Variants in SFMBT1 observed in about 807,000 individuals in gnomAD.
The protein encoded by SFMBT1 is scm-like with four MBT domains protein 1.
SFMBT1 carries 32 observed loss-of-function variants against 108.7 expected under a neutral mutation model. That is an observed-to-expected ratio of 0.29 (90% CI 0.22 to 0.40). SFMBT1 has a LOEUF of 0.40. Among genes scored for constraint, SFMBT1 ranks in the 10% least tolerant of loss-of-function variants. The pLI, the probability that SFMBT1 is intolerant of heterozygous loss-of-function variation, is 1.00. For synonymous variants in SFMBT1, 348 were observed against 369.5 expected (o/e 0.94, Z 0.67); for missense variants, 816 against 1,059.6 (o/e 0.77, Z 3.19).
In SFMBT1 at chr3:52,910,930, A is replaced by G. The variant is rs892693430; in HGVS notation, c.1906+73T>C. The G allele has an allele frequency of 5.6e-6, 8 of 1,436,820 alleles. No homozygotes were observed. The Admixed American group carries it at 1.2e-4, about 21-fold the overall frequency. 89.0% of individuals were successfully genotyped at this position (1,436,820 alleles called of 1,614,324 possible). On this transcript the variant is annotated intron_variant, in intron 17 of 20. Coordinates refer to ENST00000394752, the MANE Select transcript of SFMBT1 (RefSeq NM_016329.4). Reference sequence around the variant, plus strand: ...GCCTCTGCTATATATGAATGTCTGTAAAGTAAAAAACTTTCCAAGATGTAA... The same window carrying G: ...GCCTCTGCTATATATGAATGTCTGTGAAGTAAAAAACTTTCCAAGATGTAA...
chr3:52,985,756 C>T (rs2106886072), intron 1 of SFMBT1, among the ~76,000 whole-genome samples: 1 of 152,200 alleles, frequency 6.6e-6, no homozygotes, highest in South Asian at 2.1e-4. Flanking sequence ...CCCTAGGCTA[C>T]AAACCTGTAG....
chr3:53,008,826 G>A (rs375408240), intron 1 of SFMBT1, among the ~76,000 whole-genome samples: 30 of 151,958 alleles, frequency 2.0e-4, no homozygotes, highest in African/African-American at 5.5e-4. Flanking sequence ...TAGTAGAGAC[G>A]GGGTTTCACC....
chr3:52,978,193 G>C (rs1704583883), intron 1 of SFMBT1, among the ~76,000 whole-genome samples: 1 of 152,000 alleles, frequency 6.6e-6, no homozygotes, highest in Non-Finnish European at 1.5e-5. Flanking sequence ...TCACTGAGAA[G>C]GTAACATATG....
intron 1 of SFMBT1, 97 bp downstream of exon 1, chr3:53,045,719 T>A (rs1228113231): frequency 7.1e-6 from 1 of 141,710 alleles, no homozygotes; most frequent in African/African-American, 2.6e-5. Context: ...GCGCGGCCGC[T>A]TCGAAGGGGA....
chr3:52,945,152 C>A (rs116321398), intron 3 of SFMBT1, among the ~76,000 whole-genome samples: 3,662 of 40,462 alleles, frequency 0.091, 7 homozygotes, highest in South Asian at 0.15. Flanking sequence ...AAAAAAAAAA[C>A]AAGGACTTCA....
At position 52,903,986 on chromosome 3, in the gene SFMBT1, T is replaced by TA; in HGVS notation, c.*1149dup. ...TAGGCAAAGAGGTTTCCAGAATCCT[T>TA]AACCACATCTCAGTATTTATCCTGC... On this transcript the variant is annotated 3_prime_UTR_variant, in exon 21 of 21. Transcript: ENST00000394752. 1 of 152,302 alleles carries TA rather than the reference T, an allele frequency of 6.6e-6. No homozygotes were observed. The highest frequency in any genetic ancestry group is 1.9e-4 in the East Asian group (1 of 5,186). The allele number at this position is 152,302 out of a possible 1,614,324, so 9.4% of individuals were successfully genotyped here.
intron 15 of SFMBT1, among the ~76,000 whole-genome samples, 186 bp downstream of exon 15, chr3:52,913,292 C>T (rs865979091): frequency 6.7e-5 from 7 of 104,568 alleles, no homozygotes; most frequent in Non-Finnish European, 1.2e-4. Flanking sequence ...GAGTTGTTTA[C>T]GTGAATGTTT....
intron 2 of SFMBT1, among the ~76,000 whole-genome samples, chr3:52,963,366 T>A (rs932846089): frequency 6.6e-6 from 1 of 152,168 alleles, no homozygotes; most frequent in Non-Finnish European, 1.5e-5. Flanking sequence ...AAAAATTCTA[T>A]AAATTTCAAA....
At chr3:52,919,068 A>G (rs1209921003) in intron 12 of SFMBT1, among the ~76,000 whole-genome samples, 2 of 152,090 alleles carry the variant, frequency 1.3e-5, no homozygotes, top group African/African-American at 4.8e-5. Flanking sequence ...CTCAGGCACT[A>G]ATGCTCACTC....
intron 17 of SFMBT1, among the ~76,000 whole-genome samples, chr3:52,910,547 G>A (rs991276350): frequency 6.6e-6 from 1 of 151,998 alleles, no homozygotes; most frequent in African/African-American, 2.4e-5. Flanking sequence ...GGAGTGCAGT[G>A]GCGCAATCTC....
rs753632764 is a variant in SFMBT1, at chr3:52,930,977, C to T, written c.759G>A (p.Glu253=). The change falls in exon 7 of 21, where the codon GAG becomes GAA. Residue 253 remains glutamate, a synonymous_variant. Transcript: ENST00000394752. ...AAGATGGTAATGGCTCTTCCTCTTC[C>T]TCTTTCACTTTGGCCAAAATCTCTT... is the stretch of plus-strand genomic sequence containing the variant. The part of the protein sequence containing the change: ...EWQEILAKVK[E]EEEEPLPSYL... 6.2e-7 allele frequency: 1 copy of T among 1,613,928 alleles called. No homozygotes were observed. The highest frequency in any genetic ancestry group is 1.3e-5 in the African/African-American group (1 of 74,908).
intron 1 of SFMBT1, among the ~76,000 whole-genome samples, chr3:53,009,401 TCACGC>T (rs1298518079): frequency 6.6e-6 from 1 of 151,988 alleles, no homozygotes; most frequent in African/African-American, 2.4e-5. Context: ...TGAGCCGAGA[TCACGC>T]CACTGCACTC....
In SFMBT1 at chr3:52,926,022, G is replaced by A; in HGVS notation, c.1131+9C>T. On this transcript the variant is annotated intron_variant, in intron 10 of 20. Coordinates refer to ENST00000394752, the MANE Select transcript of SFMBT1 (RefSeq NM_016329.4). ...GCCATAGTGGCCATGAGGCCGTGGG[G>A]GTCCTCACCGGAGGGAAGCACCTCT... The A allele has an allele frequency of 7.5e-6, 12 of 1,605,964 alleles. No individual in the cohort carries two copies. Among genetic ancestry groups the A allele is most frequent in the Non-Finnish European group, 1.0e-5 (12 of 1,177,012 alleles).
chr3:52,915,143 C>A (rs1385140372), intron 14 of SFMBT1, among the ~76,000 whole-genome samples: 1 of 152,208 alleles, frequency 6.6e-6, no homozygotes, highest in East Asian at 1.9e-4. Context: ...TCTGCCCAAT[C>A]CTACTTCCTT....
In SFMBT1 at chr3:53,036,939, C is replaced by A. The variant is rs150401559; in HGVS notation, c.-131+8877G>T. Among the ~76,000 whole-genome samples the A allele has an allele frequency of 0.012, 1,880 of 152,182 alleles. 128 individuals carry two copies. In the South Asian group the frequency reaches 0.18, roughly 15 times the overall value. On this transcript the variant is annotated intron_variant, in intron 1 of 20. Transcript: ENST00000394752. ...TCAAAGATTAGACAGTGGGTCCAGG[C>A]CTGATGGGGCTGGGACTCTGGGAGA...
intron 14 of SFMBT1, among the ~76,000 whole-genome samples, chr3:52,913,983 A>G (rs1702277163): frequency 6.6e-6 from 1 of 152,240 alleles, no homozygotes; most frequent in African/African-American, 2.4e-5. Flanking sequence ...CCAACTTTCA[A>G]TCATCTATTC....
intron 4 of SFMBT1, among the ~76,000 whole-genome samples, chr3:52,942,874 T>C (rs890213658): frequency 1.3e-4 from 20 of 152,242 alleles, no homozygotes; most frequent in African/African-American, 4.8e-4. Context: ...TATCTCACCC[T>C]TCTCTTTCTT....
At position 52,931,030 on chromosome 3, in the gene SFMBT1, T is replaced by C. The variant is rs1161404959; in HGVS notation, c.706A>G (p.Arg236Gly). 6 of 1,613,388 alleles carry C rather than the reference T, an allele frequency of 3.7e-6. No individual in the cohort carries two copies. The African/African-American group carries it at 8.0e-5, about 22-fold the overall frequency. ...CACTCAGCTTCATTTTTTAGATGTC[T>C]AATGGCTTTAATAAAACATGACAAC... ...GYELQPPSAIRHLKNEAEWQE... is the reference protein window; with the variant it reads ...GYELQPPSAIGHLKNEAEWQE... The change falls in exon 7 of 21, where the codon AGA becomes GGA. Residue 236 changes from arginine (R) to glycine (G), a missense_variant. Transcript: ENST00000394752.
At chr3:52,954,220 A>C in intron 3 of SFMBT1, 97 bp downstream of exon 3, 1 of 933,260 alleles carries the variant, frequency 1.1e-6, no homozygotes, top group Non-Finnish European at 1.7e-6. Context: ...TACTTCAAGT[A>C]CCACAAATTA....
Sources: allele counts gnomAD v4.1 joint callset (sites outside exome capture counted in the v4.1 genomes callset), GRCh38; gene constraint gnomAD v4.1.1; transcripts MANE v1.5; gene names NCBI Gene and HGNC (gene_info 2026-07-23, HGNC 2026-07-21).